Variants in ARHGAP32 observed in about 807,000 individuals in gnomAD.
ARHGAP32 encodes the protein Rho GTPase activating protein 32, also known as rho GTPase-activating protein 32.
Under a neutral mutation model 186.5 loss-of-function variants are expected in ARHGAP32, and 51 were observed. The ratio of observed to expected loss-of-function variants is 0.27; its 90% CI spans 0.22 to 0.35. The LOEUF is 0.35. Ranked by LOEUF, ARHGAP32 falls within the 10% of genes least tolerant of loss-of-function variation. The probability of loss-of-function intolerance (pLI) is 1.00; values close to 1 mark genes in which losing one functional copy is unlikely to be tolerated. For missense variants in ARHGAP32, 2,186 were observed against 2,623.5 expected (o/e 0.83, Z 3.64); for synonymous variants, 950 against 964.3 (o/e 0.99, Z 0.27).
intron 2 of ARHGAP32, among the ~76,000 whole-genome samples, chr11:129,148,502 A>G (rs1288585187): frequency 6.6e-6 from 1 of 152,202 alleles, no homozygotes; most frequent in East Asian, 1.9e-4. Context: ...ATCCCCAACT[A>G]TACCTCACAG....
intron 1 of ARHGAP32, among the ~76,000 whole-genome samples, chr11:129,209,397 G>GA (rs1287303007): frequency 6.8e-6 from 1 of 147,010 alleles, no homozygotes; most frequent in East Asian, 2.0e-4. Flanking sequence ...GGACAAAGAA[G>GA]AAAAAAAGTA....
rs181524304 is a variant in ARHGAP32, at chr11:129,211,159, T to C, written c.-4-46732A>G. The stretch of plus-strand genomic sequence containing the variant: ...ATTTACTGTAATATTTCTTTACTTA[T>C]TAGGACTCTGACATGTTTTTTAACT... On this transcript the variant is annotated intron_variant, in intron 1 of 6. Coordinates refer to the ARHGAP32 transcript ENST00000525234. 1.3e-3 allele frequency among the ~76,000 whole-genome samples: 191 copies of C among 152,318 alleles called. 2 individuals carry two copies. Among genetic ancestry groups the C allele is most frequent in the African/African-American group, 4.4e-3 (182 of 41,572 alleles).
chr11:129,254,979 T>C (rs1231299821), intron 1 of ARHGAP32, among the ~76,000 whole-genome samples: 1 of 152,126 alleles, frequency 6.6e-6, no homozygotes, highest in Non-Finnish European at 1.5e-5. Flanking sequence ...TTAATGCCAG[T>C]ATTTCAGTCA....
chr11:128,999,354 T>C (rs1391605766), intron 11 of ARHGAP32, among the ~76,000 whole-genome samples: 1 of 152,210 alleles, frequency 6.6e-6, no homozygotes. Flanking sequence ...TCCCTGCTCT[T>C]GAACCCTGTT....
intron 12 of ARHGAP32, among the ~76,000 whole-genome samples, chr11:128,991,909 T>C (rs1389728291): frequency 6.6e-6 from 1 of 151,782 alleles, no homozygotes; most frequent in East Asian, 1.9e-4. Flanking sequence ...TTCTGCTCTT[T>C]TCTCTTCATT....
chr11:129,201,762 C>T (rs1409710717), intron 1 of ARHGAP32, among the ~76,000 whole-genome samples: 1 of 152,108 alleles, frequency 6.6e-6, no homozygotes, highest in Non-Finnish European at 1.5e-5. Flanking sequence ...AGGAAGATCC[C>T]TTGAGGCCAG....
intron 11 of ARHGAP32, among the ~76,000 whole-genome samples, chr11:128,999,444 T>G (rs1028121896): frequency 6.6e-6 from 1 of 152,172 alleles, no homozygotes; most frequent in Non-Finnish European, 1.5e-5. Context: ...TTCGCCCTGG[T>G]CCTGTGATCT....
chr11:129,253,645 CTTA>C (rs1945216013), intron 1 of ARHGAP32, among the ~76,000 whole-genome samples: 3 of 152,048 alleles, frequency 2.0e-5, no homozygotes, highest in Non-Finnish European at 1.5e-5. Flanking sequence ...TCAAAAATTA[CTTA>C]TTATTATTAG....
intron 6 of ARHGAP32, among the ~76,000 whole-genome samples, chr11:129,074,219 A>G (rs1160333552): frequency 6.6e-6 from 1 of 152,234 alleles, no homozygotes; most frequent in Non-Finnish European, 1.5e-5. Context: ...GATACAACAG[A>G]TAACAGTTTG....
At chr11:129,189,585 T>A (rs1051545768) in intron 1 of ARHGAP32, among the ~76,000 whole-genome samples, 1 of 152,180 alleles carries the variant, frequency 6.6e-6, no homozygotes, top group African/African-American at 2.4e-5. Context: ...AATATTCTAG[T>A]CTAATAACTA....
At chr11:129,066,245 G>A (rs1260323104) in intron 7 of ARHGAP32, among the ~76,000 whole-genome samples, 1 of 151,970 alleles carries the variant, frequency 6.6e-6, no homozygotes, top group Non-Finnish European at 1.5e-5. Context: ...TACTTTTTAA[G>A]ATTCCTTACA....
intron 6 of ARHGAP32, among the ~76,000 whole-genome samples, chr11:129,085,095 C>G (rs1367848361): frequency 6.6e-6 from 1 of 151,870 alleles, no homozygotes; most frequent in Admixed American, 6.6e-5. Flanking sequence ...ACAATCATGC[C>G]TCATTACAGC....
intron 1 of ARHGAP32, among the ~76,000 whole-genome samples, chr11:129,185,751 G>C (rs978552876): frequency 1.2e-4 from 19 of 152,008 alleles, no homozygotes; most frequent in Non-Finnish European, 1.3e-4. Flanking sequence ...GTTTCCTAAA[G>C]ATCTTATTTT....
Position 129,123,425 on chromosome 11 carries a change from G to C in ARHGAP32, c.444+21C>G. 6.3e-7 allele frequency: 1 copy of C among 1,582,000 alleles called. No individual in the cohort carries two copies. Among genetic ancestry groups the C allele is most frequent in the African/African-American group, 1.3e-5 (1 of 74,318 alleles). On this transcript the variant is annotated intron_variant, in intron 5 of 22. Transcript: ENST00000682385. The surrounding 1 kb of genome is among the most constrained non-coding windows in gnomAD (Gnocchi z 4.6). ...AAATGTGTAAATCTTAATTCAAGAT[G>C]TAAGAAATATTTCAGTATACCTGTA...
rs115127342 is a variant in ARHGAP32 at position 129,117,531 on chromosome 11, T to C, written c.444+5915A>G. ...ATCAAGGCAGAAATGCATGTAATGATAGAAAGCCATGACAGCATTTTCAAG... is the reference window on the plus strand; with the variant it reads ...ATCAAGGCAGAAATGCATGTAATGACAGAAAGCCATGACAGCATTTTCAAG... On this transcript the variant is annotated intron_variant, in intron 5 of 22. Transcript: ENST00000682385. Among the ~76,000 whole-genome samples the C allele has an allele frequency of 6.4e-3, 971 of 152,072 alleles. 11 individuals are homozygous for C. The highest frequency in any genetic ancestry group is 0.022 in the African/African-American group (926 of 41,510).
rs1942576262 is a variant in ARHGAP32, at chr11:129,123,261, C to G, written c.444+185G>C. ...TAGTGTGATGGTTACTTTCATATGTCAACGTGACATCAAGTATTTGTCAAT... is the reference window on the plus strand; with the variant it reads ...TAGTGTGATGGTTACTTTCATATGTGAACGTGACATCAAGTATTTGTCAAT... On this transcript the variant is annotated intron_variant, in intron 5 of 22. Coordinates refer to ENST00000682385, the MANE Select transcript of ARHGAP32 (RefSeq NM_001378024.1). This position sits in a 1 kb window ranked among gnomAD's most constrained non-coding sequence, Gnocchi z 4.6. Among the ~76,000 whole-genome samples the G allele has an allele frequency of 6.6e-6, 1 of 151,722 alleles. No individual in the cohort carries two copies. Among genetic ancestry groups the G allele is most frequent in the Admixed American group, 6.6e-5 (1 of 15,210 alleles).
At position 128,966,310 on chromosome 11, in the gene ARHGAP32, TCCC is replaced by T. The variant is rs1355751903; in HGVS notation, c.*2594_*2596del. On this transcript the variant is annotated 3_prime_UTR_variant, in exon 23 of 23. Transcript: ENST00000682385. ...ACATTCAGTTACCCCATTTGTGAAGTCCCCCATTTGTGAAGTCACACACAAGGT... is the reference window on the plus strand; with the variant it reads ...ACATTCAGTTACCCCATTTGTGAAGTCCATTTGTGAAGTCACACACAAGGT... The T allele has an allele frequency of 1.3e-5, 2 of 152,160 alleles. No homozygotes were observed. Among genetic ancestry groups the T allele is most frequent in the Admixed American group, 6.5e-5 (1 of 15,284 alleles). The allele number at this position is 152,160 out of a possible 1,614,324, so 9.4% of individuals were successfully genotyped here. A position where few individuals can be genotyped will look rare whatever the true frequency, so the allele number is the denominator to read the frequency against.
At chr11:129,137,212 A>G (rs896203647) in intron 2 of ARHGAP32, among the ~76,000 whole-genome samples, 4 of 151,830 alleles carry the variant, frequency 2.6e-5, no homozygotes, top group South Asian at 2.1e-4. Flanking sequence ...AAATATATAT[A>G]TGTGTTTTCT....
At chr11:129,091,526 G>A (rs1163301229) in intron 6 of ARHGAP32, among the ~76,000 whole-genome samples, 1 of 152,038 alleles carries the variant, frequency 6.6e-6, no homozygotes, top group African/African-American at 2.4e-5. Flanking sequence ...AACAGAATAA[G>A]AGAAGAAAGG....
Sources: allele counts gnomAD v4.1 joint callset (sites outside exome capture counted in the v4.1 genomes callset), GRCh38; gene constraint gnomAD v4.1.1; non-coding constraint Gnocchi (gnomAD v3.1); transcripts MANE v1.5; gene names NCBI Gene and HGNC (gene_info 2026-07-23, HGNC 2026-07-21).